The following OPHN1 variants were observed in gnomAD, a reference collection of about 807,000 sequenced individuals.
OPHN1 encodes oligophrenin 1.
A neutral mutation model predicts 60.7 loss-of-function variants in OPHN1; 11 were observed. The ratio of observed to expected loss-of-function variants is 0.18; its 90% CI spans 0.11 to 0.30. The LOEUF (loss-of-function observed/expected upper bound fraction) is 0.30. OPHN1 is among the 10% of genes least tolerant of loss of function. The pLI, the probability that OPHN1 is intolerant of heterozygous loss-of-function variation, is 1.00. For missense variants in OPHN1, 449 were observed against 611.0 expected (o/e 0.73, Z 2.80); for synonymous variants, 226 against 222.6 (o/e 1.02, Z -0.14).
chrX:68,146,228 A>C (rs1474229045), intron 15 of OPHN1, among the ~76,000 whole-genome samples: 1 of 112,076 alleles, frequency 8.9e-6, no homozygotes, highest in Non-Finnish European at 1.9e-5. Context: ...AGTGTGTGGA[A>C]ATTTTTAAGA....
chrX:68,339,680 G>A (rs1346685147), intron 2 of OPHN1, among the ~76,000 whole-genome samples: 1 of 111,771 alleles, frequency 8.9e-6, no homozygotes, highest in African/African-American at 3.2e-5. Flanking sequence ...TCAGCTCGCT[G>A]CACCCTCTGC....
At chrX:68,254,095 C>T (rs1217452647) in intron 5 of OPHN1, among the ~76,000 whole-genome samples, 1 of 111,732 alleles carries the variant, frequency 8.9e-6, no homozygotes, top group African/African-American at 3.3e-5. Flanking sequence ...TCTTAAGCCT[C>T]TCAGCTTTCT....
intron 2 of OPHN1, chrX:68,361,200 G>A (rs2078470558): frequency 9.0e-6 from 1 of 111,395 alleles, no homozygotes; most frequent in Non-Finnish European, 1.9e-5. Flanking sequence ...ATAAAAATAA[G>A]GCCAGGCACA....
chrX:68,216,554 A>G (rs1602241556), intron 6 of OPHN1, among the ~76,000 whole-genome samples: 2 of 111,643 alleles, frequency 1.8e-5, no homozygotes, highest in South Asian at 3.7e-4. Flanking sequence ...AAAACACAGA[A>G]AAATGCTTCT....
chrX:68,098,957 T>C (rs192426277), intron 18 of OPHN1, among the ~76,000 whole-genome samples: 1 of 111,278 alleles, frequency 9.0e-6, no homozygotes, highest in East Asian at 2.9e-4. Context: ...CAAGCCCATA[T>C]TTGTTGCTCC....
chrX:68,393,619 CCTTT>C (rs765905855), intron 2 of OPHN1, among the ~76,000 whole-genome samples: 155 of 111,479 alleles, frequency 1.4e-3, no homozygotes, highest in Non-Finnish European at 2.6e-3. Context: ...ATCATCCTTT[CCTTT>C]CTGTTTTTTT....
chrX:68,160,577 G>T (rs1401745353), intron 15 of OPHN1, among the ~76,000 whole-genome samples: 2 of 111,466 alleles, frequency 1.8e-5, no homozygotes, highest in African/African-American at 6.5e-5. Context: ...ATAATACAAA[G>T]TATGTTCTCT....
At chrX:68,187,696 C>T (rs1022073210) in intron 15 of OPHN1, among the ~76,000 whole-genome samples, 33 of 110,605 alleles carry the variant, frequency 3.0e-4, no homozygotes, top group Non-Finnish European at 5.3e-4. Context: ...GGTGCCATCT[C>T]AGCTCACTGC....
chrX:68,095,095 A>G (rs1453163175), intron 19 of OPHN1, among the ~76,000 whole-genome samples: 1 of 111,784 alleles, frequency 8.9e-6, no homozygotes, highest in African/African-American at 3.2e-5. Flanking sequence ...AATCTAAAAT[A>G]TTATATACTT....
chrX:68,404,823 A>T (rs1369932430), intron 2 of OPHN1, among the ~76,000 whole-genome samples: 1 of 112,010 alleles, frequency 8.9e-6, no homozygotes, highest in African/African-American at 3.2e-5. Flanking sequence ...CCAGTCACAA[A>T]AGACAAATAC....
chrX:68,057,995 T>C (rs1008572097), intron 21 of OPHN1, among the ~76,000 whole-genome samples: 6 of 111,451 alleles, frequency 5.4e-5, no homozygotes, highest in African/African-American at 1.6e-4. Context: ...TTTAAAAATA[T>C]ACTTCAAGTT....
chrX:68,080,022 A>G (rs984242479), intron 19 of OPHN1, among the ~76,000 whole-genome samples: 92 of 110,507 alleles, frequency 8.3e-4, no homozygotes, highest in Non-Finnish European at 1.2e-3. Context: ...GTCTCCAGCC[A>G]CTCCTGTCTT....
At chrX:68,171,586 C>T (rs2147421876) in intron 15 of OPHN1, among the ~76,000 whole-genome samples, 2 of 110,311 alleles carry the variant, frequency 1.8e-5, no homozygotes, top group African/African-American at 6.6e-5. Flanking sequence ...AAATACAAAA[C>T]TTAGCCAGGG....
chrX:68,425,809 A>ATTAT (rs1247365715), intron 2 of OPHN1, among the ~76,000 whole-genome samples: 1 of 21,199 alleles, frequency 4.7e-5, no homozygotes, highest in Non-Finnish European at 1.2e-4. Context: ...CCTGGACTGG[A>ATTAT]TTCTTTTTTT....
chrX:68,128,789 T>C (rs1468204761), intron 15 of OPHN1, among the ~76,000 whole-genome samples: 1 of 112,063 alleles, frequency 8.9e-6, no homozygotes, highest in Admixed American at 9.5e-5. Context: ...AACAGAATAA[T>C]TATGGAAGGT....
intron 5 of OPHN1, among the ~76,000 whole-genome samples, chrX:68,238,674 T>C (rs1200186656): frequency 8.9e-6 from 1 of 111,769 alleles, no homozygotes; most frequent in Admixed American, 9.5e-5. Flanking sequence ...GTGAATGATA[T>C]TGAAACGGGA....
intron 15 of OPHN1, among the ~76,000 whole-genome samples, chrX:68,176,685 C>A (rs1480594292): frequency 2.7e-5 from 3 of 111,144 alleles, no homozygotes; most frequent in Non-Finnish European, 5.7e-5. Flanking sequence ...ACTTTCTCGA[C>A]ATATACTTAA....
chrX:68,215,690 C>T (rs1329907219), intron 6 of OPHN1, among the ~76,000 whole-genome samples: 1 of 111,206 alleles, frequency 9.0e-6, no homozygotes, highest in East Asian at 2.8e-4. Context: ...TCTTAAGAAA[C>T]CATGCAGAAA....
At chrX:68,089,816 A>T (rs908433277) in intron 19 of OPHN1, among the ~76,000 whole-genome samples, 2 of 111,782 alleles carry the variant, frequency 1.8e-5, no homozygotes, top group Non-Finnish European at 3.8e-5. Context: ...CAAAGCTATA[A>T]GTAACTGGGC....
Sources: allele counts gnomAD v4.1 joint callset (sites outside exome capture counted in the v4.1 genomes callset), GRCh38; gene constraint gnomAD v4.1.1; transcripts MANE v1.5; gene names NCBI Gene and HGNC (gene_info 2026-07-23, HGNC 2026-07-21).